The following RAD51B variants were observed in gnomAD, a reference collection of about 807,000 sequenced individuals.
RAD51B encodes the protein DNA repair protein RAD51 homolog 2.
In RAD51B, 38 loss-of-function variants were observed where a neutral mutation model predicts 42.2. That is an observed-to-expected ratio of 0.90 (90% CI 0.70 to 1.18). RAD51B has a LOEUF of 1.18. Among genes scored for constraint, RAD51B ranks in the 50% most tolerant of loss-of-function variants. The pLI is 0.00. For missense variants in RAD51B, 373 were observed against 400.7 expected (o/e 0.93, Z 0.59); for synonymous variants, 154 against 145.2 (o/e 1.06, Z -0.43).
chr14:67,880,230 T>C (rs1041326466), intron 5 of RAD51B, among the ~76,000 whole-genome samples: 5 of 152,266 alleles, frequency 3.3e-5, no homozygotes, highest in African/African-American at 1.2e-4. Context: ...GCTTGAATTT[T>C]ATCATTGGCA....
chr14:67,893,504 ACAC>A lies in RAD51B; in HGVS notation c.756+6301_756+6303del, dbSNP rs1410025139. Among the ~76,000 whole-genome samples, 817 of 97,682 alleles carry A rather than the reference ACAC, an allele frequency of 8.4e-3. 37 individuals are homozygous for A. Among genetic ancestry groups the A allele is most frequent in the Admixed American group, 0.01 (111 of 10,572 alleles). The allele number at this position is 97,682 out of a possible 152,430, so 64.1% of individuals were successfully genotyped here. A position where few individuals can be genotyped will look rare whatever the true frequency, so the allele number is the denominator to read the frequency against. Reference sequence around the variant, plus strand: ...CACACACACACACACACACACACACACACACAAAAAAAAACAATTAGCTGGGTG... The same window carrying A: ...CACACACACACACACACACACACACAACAAAAAAAAACAATTAGCTGGGTG... On this transcript the variant is annotated intron_variant, in intron 7 of 10. Coordinates refer to ENST00000471583, the MANE Select transcript of RAD51B (RefSeq NM_133510.4).
intron 7 of RAD51B, among the ~76,000 whole-genome samples, chr14:68,235,328 C>A (rs2080226013): frequency 6.6e-6 from 1 of 151,754 alleles, no homozygotes; most frequent in Non-Finnish European, 1.5e-5. Context: ...GTACTTGAAG[C>A]CAAGACAGCC....
chr14:68,086,978 A>G (rs1236939216), intron 7 of RAD51B, among the ~76,000 whole-genome samples: 1 of 152,050 alleles, frequency 6.6e-6, no homozygotes, highest in Non-Finnish European at 1.5e-5. Context: ...TCTACTAAAA[A>G]TACAAAATTA....
At chr14:68,497,121 C>G (rs186629790) in intron 10 of RAD51B, 2 of 1,388,892 alleles carry the variant, frequency 1.4e-6, no homozygotes, top group African/African-American at 2.9e-5. Flanking sequence ...TTTCTTCTTG[C>G]AGCCTATGGA....
intron 7 of RAD51B, among the ~76,000 whole-genome samples, chr14:67,922,506 C>G (rs1425049369): frequency 6.7e-6 from 1 of 150,062 alleles, no homozygotes; most frequent in African/African-American, 2.4e-5. Context: ...TGGAATTATA[C>G]CTTTCTTTTT....
At chr14:67,866,061 C>T (rs982305501) in intron 5 of RAD51B, among the ~76,000 whole-genome samples, 19 of 152,176 alleles carry the variant, frequency 1.2e-4, no homozygotes, top group African/African-American at 4.1e-4. Flanking sequence ...AAGAGAGGAA[C>T]ACATCAAACT....
rs531936873 is a variant in RAD51B, at chr14:68,010,239, C to A, written c.756+123035C>A. Among the ~76,000 whole-genome samples the A allele has an allele frequency of 2.0e-5, 3 of 151,828 alleles. No individual in the cohort carries two copies. In the South Asian group the frequency reaches 6.2e-4, roughly 32 times the overall value. The stretch of plus-strand genomic sequence containing the variant: ...AAGGAGAGTTGTAAGGAGGTGAGTA[C>A]TTGGTGTAAAAATTGCTTATAGATG... On this transcript the variant is annotated intron_variant, in intron 7 of 10. Transcript: ENST00000471583.
At chr14:68,032,680 T>G (rs2076065892) in intron 7 of RAD51B, among the ~76,000 whole-genome samples, 1 of 152,210 alleles carries the variant, frequency 6.6e-6, no homozygotes, top group African/African-American at 2.4e-5. Flanking sequence ...CCTTCTACTA[T>G]TCTCCCCTTT....
intron 9 of RAD51B, among the ~76,000 whole-genome samples, chr14:68,466,965 T>G (rs35153808): frequency 6.6e-6 from 1 of 152,358 alleles, no homozygotes; most frequent in African/African-American, 2.4e-5. Context: ...AAATATTTGT[T>G]GAATTAAGAT....
chr14:68,513,712 A>G (rs1416154159), intron 10 of RAD51B, among the ~76,000 whole-genome samples: 2 of 152,210 alleles, frequency 1.3e-5, no homozygotes, highest in Non-Finnish European at 2.9e-5. Context: ...CAGCCCCACA[A>G]CACAACCCTC....
intron 10 of RAD51B, among the ~76,000 whole-genome samples, chr14:68,474,291 G>A (rs906546275): frequency 1.3e-5 from 2 of 152,026 alleles, no homozygotes; most frequent in African/African-American, 2.4e-5. Context: ...ATTTATACTC[G>A]TTCTGGAGAT....
chr14:68,447,424 A>G (rs1052274858), intron 9 of RAD51B, among the ~76,000 whole-genome samples: 3 of 151,634 alleles, frequency 2.0e-5, no homozygotes, highest in Non-Finnish European at 2.9e-5. Context: ...CATCTTATGC[A>G]TTTGCTGTTC....
At chr14:68,346,101 G>C (rs2082671901) in intron 8 of RAD51B, among the ~76,000 whole-genome samples, 1 of 152,146 alleles carries the variant, frequency 6.6e-6, no homozygotes, top group African/African-American at 2.4e-5. Flanking sequence ...TGCATGCAGA[G>C]AATAGATTAA....
intron 7 of RAD51B, among the ~76,000 whole-genome samples, chr14:68,134,478 G>A (rs1299088689): frequency 6.6e-6 from 1 of 152,090 alleles, no homozygotes; most frequent in Non-Finnish European, 1.5e-5. Context: ...ACAATCCTGG[G>A]TTGTATAGTA....
At chr14:67,984,992 A>G (rs886148648) in intron 7 of RAD51B, among the ~76,000 whole-genome samples, 2 of 152,216 alleles carry the variant, frequency 1.3e-5, no homozygotes, top group Admixed American at 1.3e-4. Flanking sequence ...TTAAGAAACC[A>G]CCGATCTAAT....
chr14:68,099,089 G>A (rs2077245535), intron 7 of RAD51B, among the ~76,000 whole-genome samples: 1 of 152,070 alleles, frequency 6.6e-6, no homozygotes, highest in African/African-American at 2.4e-5. Flanking sequence ...TTCTTTAATT[G>A]CTAGGTTTAA....
intron 7 of RAD51B, among the ~76,000 whole-genome samples, chr14:68,164,963 C>G (rs2078719300): frequency 1.3e-5 from 2 of 152,158 alleles, no homozygotes; most frequent in South Asian, 4.1e-4. Flanking sequence ...TTTAGTTTTC[C>G]TTTCCCAGGG....
rs549489343 is a variant in RAD51B at position 67,937,274 on chromosome 14, C to T, written c.756+50070C>T. Among the ~76,000 whole-genome samples, 20 of 152,286 alleles carry T rather than the reference C, an allele frequency of 1.3e-4. No homozygotes were observed. In the South Asian group the frequency reaches 4.1e-3, roughly 32 times the overall value. ...ACATAATGTCCTACAGCACATGACA[C>T]ACCTTCTTCCTGTCTTTGTGATATC... is the stretch of plus-strand genomic sequence containing the variant. On this transcript the variant is annotated intron_variant, in intron 7 of 10. Coordinates refer to ENST00000471583, the MANE Select transcript of RAD51B (RefSeq NM_133510.4).
chr14:67,827,528 A>T lies in RAD51B; in HGVS notation c.198+1951A>T, dbSNP rs956124599. ...CATGTGCAGGATGTGCAGGTTTGTTACATAGGTAAATGTGTGCCATGGTGG... is the reference window on the plus strand; with the variant it reads ...CATGTGCAGGATGTGCAGGTTTGTTTCATAGGTAAATGTGTGCCATGGTGG... On this transcript the variant is annotated intron_variant, in intron 3 of 10. Coordinates refer to ENST00000471583, the MANE Select transcript of RAD51B (RefSeq NM_133510.4). 1.7e-4 allele frequency among the ~76,000 whole-genome samples: 26 copies of T among 151,734 alleles called. 1 individual carries two copies. Among genetic ancestry groups the T allele is most frequent in the Admixed American group, 1.1e-3 (17 of 15,238 alleles).
Sources: allele counts gnomAD v4.1 joint callset (sites outside exome capture counted in the v4.1 genomes callset), GRCh38; gene constraint gnomAD v4.1.1; transcripts MANE v1.5; gene names NCBI Gene and HGNC (gene_info 2026-07-23, HGNC 2026-07-21).